Variants in TENM3 observed in about 807,000 individuals in gnomAD.
The protein encoded by TENM3 is teneurin-3.
Under a neutral mutation model 255.1 loss-of-function variants are expected in TENM3, and 63 were observed. That is an observed-to-expected ratio of 0.25 (90% CI 0.20 to 0.30). The LOEUF (loss-of-function observed/expected upper bound fraction) is 0.30. TENM3 is among the 10% of genes least tolerant of loss of function. The pLI, the probability that TENM3 is intolerant of heterozygous loss-of-function variation, is 1.00. For synonymous variants in TENM3, 1,306 were observed against 1,322.3 expected (o/e 0.99, Z 0.27); for missense variants, 2,929 against 3,461.1 (o/e 0.85, Z 3.86).
the TENM3 span, among the ~76,000 whole-genome samples, chr4:181,538,919 A>C: frequency 2.0e-5 from 3 of 152,216 alleles, no homozygotes; most frequent in Non-Finnish European, 4.4e-5. Context: ...AATTATGAAG[A>C]TTACACCAAA....
At chr4:181,832,675 T>C in the TENM3 span, among the ~76,000 whole-genome samples, 2 of 152,226 alleles carry the variant, frequency 1.3e-5, no homozygotes, top group African/African-American at 2.4e-5. Context: ...CTTTCCAAGA[T>C]TCTCCTAGGA....
At chr4:181,551,465 A>G in the TENM3 span, among the ~76,000 whole-genome samples, 1 of 152,166 alleles carries the variant, frequency 6.6e-6, no homozygotes, top group African/African-American at 2.4e-5. Context: ...TTTTGATCAC[A>G]CTAATAATAC....
chr4:182,489,856 T>C (rs1441311248), intron 3 of TENM3, among the ~76,000 whole-genome samples: 7 of 150,946 alleles, frequency 4.6e-5, no homozygotes, highest in South Asian at 2.1e-4. Flanking sequence ...CTTCCTTTTC[T>C]TCCCTTCCTC....
At chr4:181,720,695 A>C in the TENM3 span, among the ~76,000 whole-genome samples, 1 of 152,178 alleles carries the variant, frequency 6.6e-6, no homozygotes, top group Non-Finnish European at 1.5e-5. Context: ...AGTGGGAGGA[A>C]GTCTTTGTCC....
At chr4:181,828,203 G>C in the TENM3 span, among the ~76,000 whole-genome samples, 3 of 152,188 alleles carry the variant, frequency 2.0e-5, no homozygotes, top group Non-Finnish European at 4.4e-5. Context: ...TGTGGGCTTT[G>C]AGGTGCTCCT....
chr4:181,675,484 G>A, the TENM3 span, among the ~76,000 whole-genome samples: 2 of 152,008 alleles, frequency 1.3e-5, no homozygotes, highest in Non-Finnish European at 2.9e-5. Context: ...ACATTAATTA[G>A]ATATAAGGCA....
At chr4:181,607,424 T>TTG in the TENM3 span, among the ~76,000 whole-genome samples, 1 of 151,822 alleles carries the variant, frequency 6.6e-6, no homozygotes, top group Admixed American at 6.6e-5. Context: ...TTTTTTTTTT[T>TTG]TTTCTTTTTG....
intron 1 of TENM3, among the ~76,000 whole-genome samples, chr4:182,194,986 G>T (rs1026878657): frequency 6.6e-6 from 1 of 150,888 alleles, no homozygotes; most frequent in African/African-American, 2.4e-5. Context: ...AATTATCACT[G>T]CAAGGCTTAT....
At chr4:181,797,142 G>A in the TENM3 span, among the ~76,000 whole-genome samples, 2 of 151,388 alleles carry the variant, frequency 1.3e-5, no homozygotes, top group African/African-American at 2.4e-5. Context: ...GTAAAAGGGA[G>A]GGTTTTTTTT....
intron 4 of TENM3, among the ~76,000 whole-genome samples, chr4:182,627,036 A>C (rs751899061): frequency 3.9e-5 from 6 of 152,190 alleles, no homozygotes; most frequent in Admixed American, 1.3e-4. Flanking sequence ...TATTAGGCCA[A>C]CTTTCATGAC....
intron 3 of TENM3, among the ~76,000 whole-genome samples, chr4:182,454,305 A>G (rs1448972000): frequency 6.6e-6 from 1 of 152,146 alleles, no homozygotes; most frequent in Non-Finnish European, 1.5e-5. Context: ...GTCAGAATGA[A>G]GGTGAAAATT....
At chr4:181,623,080 A>G in the TENM3 span, among the ~76,000 whole-genome samples, 4 of 152,160 alleles carry the variant, frequency 2.6e-5, no homozygotes, top group Non-Finnish European at 4.4e-5. Flanking sequence ...TGCTGTGGAA[A>G]TAAGTTCGAA....
the TENM3 span, among the ~76,000 whole-genome samples, chr4:181,508,005 G>T: frequency 6.6e-6 from 1 of 152,210 alleles, no homozygotes; most frequent in African/African-American, 2.4e-5. Flanking sequence ...TGAGATGAAA[G>T]TCTAATTATC....
chr4:182,169,731 A>G (rs1285905210), intron 1 of TENM3, among the ~76,000 whole-genome samples: 2 of 152,050 alleles, frequency 1.3e-5, no homozygotes, highest in African/African-American at 4.8e-5. Flanking sequence ...TGTGGGGGTT[A>G]AGAATATTTA....
At chr4:182,159,737 G>A (rs1407450290) in intron 1 of TENM3, among the ~76,000 whole-genome samples, 5 of 152,256 alleles carry the variant, frequency 3.3e-5, no homozygotes, top group East Asian at 1.9e-4. Flanking sequence ...GTGGATGGCC[G>A]GAGAAGTGAC....
At chr4:182,252,883 C>G (rs1313233010) in intron 1 of TENM3, among the ~76,000 whole-genome samples, 1 of 152,104 alleles carries the variant, frequency 6.6e-6, no homozygotes, top group African/African-American at 2.4e-5. Flanking sequence ...GTTCGGCAGA[C>G]AAAGAAACCC....
At chr4:181,613,689 C>T in the TENM3 span, among the ~76,000 whole-genome samples, 8 of 152,168 alleles carry the variant, frequency 5.3e-5, no homozygotes, top group Non-Finnish European at 1.0e-4. Flanking sequence ...GGTGAAATAA[C>T]GTAAAAAGCT....
At chr4:182,449,209 T>TGGCGGCGGCGGCGGCGGCGGCGGC (rs1554068639) in intron 3 of TENM3, 1 of 52,110 alleles carries the variant, frequency 1.9e-5, no homozygotes, top group Non-Finnish European at 4.0e-5. Context: ...GTGGCGGTGG[T>TGGCGGCGGCGGCGGCGGCGGCGGC]GGCGGCGGCG....
intron 24 of TENM3, among the ~76,000 whole-genome samples, chr4:182,780,063 G>C (rs1221122342): frequency 6.6e-6 from 1 of 151,664 alleles, no homozygotes. Flanking sequence ...AGTTTAATTA[G>C]ATCCCATTTG....
Sources: allele counts gnomAD v4.1 joint callset (sites outside exome capture counted in the v4.1 genomes callset), GRCh38; gene constraint gnomAD v4.1.1; transcripts MANE v1.5; gene names NCBI Gene and HGNC (gene_info 2026-07-23, HGNC 2026-07-21).